CCDC85A: variants seen among roughly 807,000 people sequenced by gnomAD.
CCDC85A encodes coiled-coil domain-containing protein 85A.
Under a neutral mutation model 50.2 loss-of-function variants are expected in CCDC85A, and 38 were observed. The ratio of observed to expected loss-of-function variants is 0.76; its 90% CI spans 0.58 to 0.99. The LOEUF is 0.99. Among genes scored for constraint, CCDC85A ranks in the 50% least tolerant of loss-of-function variants. The pLI, the probability that CCDC85A is intolerant of heterozygous loss-of-function variation, is 0.00. For synonymous variants in CCDC85A, 366 were observed against 301.4 expected (o/e 1.21, Z -2.22); for missense variants, 820 against 742.0 (o/e 1.11, Z -1.22).
chr2:56,320,157 A>G (rs1458346716), intron 2 of CCDC85A, among the ~76,000 whole-genome samples: 1 of 152,212 alleles, frequency 6.6e-6, no homozygotes, highest in Non-Finnish European at 1.5e-5. Context: ...AGGGAAATTT[A>G]TAGCACTAAA....
chr2:56,350,292 C>G (rs924185164), intron 3 of CCDC85A, among the ~76,000 whole-genome samples: 1 of 151,862 alleles, frequency 6.6e-6, no homozygotes, highest in Admixed American at 6.6e-5. Context: ...CTCAGCCTCC[C>G]GGGTGCAGTG....
chr2:56,381,161 C>A (rs1404020946), intron 5 of CCDC85A, among the ~76,000 whole-genome samples: 2 of 151,960 alleles, frequency 1.3e-5, no homozygotes, highest in African/African-American at 4.8e-5. Context: ...GTTTTTCTTT[C>A]CTGCATATCT....
intron 3 of CCDC85A, among the ~76,000 whole-genome samples, chr2:56,355,763 G>T (rs551256870): frequency 6.6e-6 from 1 of 152,324 alleles, no homozygotes; most frequent in African/African-American, 2.4e-5. Flanking sequence ...CAGAGGAAGT[G>T]TCAATCTGAC....
intron 2 of CCDC85A, among the ~76,000 whole-genome samples, chr2:56,312,227 T>G (rs1473825889): frequency 6.6e-6 from 1 of 152,100 alleles, no homozygotes; most frequent in Admixed American, 6.6e-5. Context: ...TGAGGGCAGC[T>G]CTCAGTTTAT....
At chr2:56,335,050 G>A (rs1382827712) in intron 2 of CCDC85A, among the ~76,000 whole-genome samples, 1 of 152,058 alleles carries the variant, frequency 6.6e-6, no homozygotes, top group African/African-American at 2.4e-5. Flanking sequence ...TGTTAATAAG[G>A]CAGTATGAAT....
chr2:56,258,560 C>T (rs189312127), intron 2 of CCDC85A, among the ~76,000 whole-genome samples: 3 of 152,198 alleles, frequency 2.0e-5, no homozygotes, highest in East Asian at 1.9e-4. Flanking sequence ...GTTTGGCATC[C>T]CAGTTTAGAC....
chr2:56,311,685 T>C (rs949431856), intron 2 of CCDC85A, among the ~76,000 whole-genome samples: 4 of 152,112 alleles, frequency 2.6e-5, no homozygotes, highest in Admixed American at 6.6e-5. Flanking sequence ...TGCTAAGAGC[T>C]TTCCTATGAG....
At chr2:56,337,259 G>C (rs1674119655) in intron 2 of CCDC85A, among the ~76,000 whole-genome samples, 1 of 152,222 alleles carries the variant, frequency 6.6e-6, no homozygotes, top group Non-Finnish European at 1.5e-5. Context: ...AAATGGGCCT[G>C]AGATTCACCC....
intron 2 of CCDC85A, among the ~76,000 whole-genome samples, chr2:56,339,991 GT>G (rs148345074): frequency 0.041 from 6,250 of 152,244 alleles, 157 homozygotes; most frequent in Middle Eastern, 0.068. Flanking sequence ...AATATCTTCA[GT>G]TTTCTTTACC....
At chr2:56,291,648 G>C (rs943222718) in intron 2 of CCDC85A, among the ~76,000 whole-genome samples, 2 of 152,160 alleles carry the variant, frequency 1.3e-5, no homozygotes, top group African/African-American at 4.8e-5. Flanking sequence ...ATCAGAGCCT[G>C]ATGTGTTGGG....
intron 2 of CCDC85A, among the ~76,000 whole-genome samples, chr2:56,302,110 C>T (rs1331722101): frequency 6.6e-6 from 1 of 151,464 alleles, no homozygotes; most frequent in Non-Finnish European, 1.5e-5. Context: ...ACAAAAATTA[C>T]CCGGGCCTGG....
At position 56,193,339 on chromosome 2, in the gene CCDC85A, G is replaced by A. The variant is rs1345490312; in HGVS notation, c.1139G>A (p.Gly380Glu). ...PDHKHGGGSG[G>E]SGGSGGGSRE... ...CACAAACACGGAGGAGGCAGTGGAGGAAGTGGAGGCAGCGGCGGAGGCAGC... is the reference window on the plus strand; with the variant it reads ...CACAAACACGGAGGAGGCAGTGGAGAAAGTGGAGGCAGCGGCGGAGGCAGC... The change falls in exon 2 of 6, where the codon GGA (glycine) becomes GAA (glutamate). Residue 380 changes from glycine (G) to glutamate (E), a missense_variant. Gly to Glu is a moderately conservative substitution (Grantham distance 98). Coordinates refer to ENST00000407595, the MANE Select transcript of CCDC85A (RefSeq NM_001080433.2). 1 of 1,612,658 alleles carries A rather than the reference G, an allele frequency of 6.2e-7. No individual in the cohort carries two copies.
chr2:56,232,852 C>G (rs1346192155), intron 2 of CCDC85A, among the ~76,000 whole-genome samples: 1 of 152,158 alleles, frequency 6.6e-6, no homozygotes, highest in African/African-American at 2.4e-5. Flanking sequence ...AGTCTCCCAG[C>G]TGCCCCTCTT....
chr2:56,204,832 A>G (rs528241399), intron 2 of CCDC85A, among the ~76,000 whole-genome samples: 1 of 152,316 alleles, frequency 6.6e-6, no homozygotes, highest in East Asian at 1.9e-4. Context: ...GATTGCAGCA[A>G]TTCATCTAGC....
At chr2:56,337,521 C>T (rs1165122902) in intron 2 of CCDC85A, among the ~76,000 whole-genome samples, 4 of 152,110 alleles carry the variant, frequency 2.6e-5, no homozygotes, top group Non-Finnish European at 2.9e-5. Flanking sequence ...CATGTGATTC[C>T]TTTCTTTCTG....
At chr2:56,194,030 G>A (rs1676430986) in intron 2 of CCDC85A, among the ~76,000 whole-genome samples, 2 of 152,164 alleles carry the variant, frequency 1.3e-5, no homozygotes, top group East Asian at 3.9e-4. Context: ...GCCTGAATCT[G>A]TGACATTTCT....
chr2:56,352,189 A>G (rs1004763344), intron 3 of CCDC85A, among the ~76,000 whole-genome samples: 2 of 152,216 alleles, frequency 1.3e-5, no homozygotes, highest in African/African-American at 4.8e-5. Flanking sequence ...TGCCTTCTGT[A>G]TCCTTTACAT....
chr2:56,369,676 TTCA>T (rs1056941179), intron 3 of CCDC85A, among the ~76,000 whole-genome samples: 27 of 152,142 alleles, frequency 1.8e-4, no homozygotes, highest in Admixed American at 1.8e-3. Context: ...ACTTTTTCTG[TTCA>T]TCATTCAAGA....
At chr2:56,208,397 A>G (rs528967487) in intron 2 of CCDC85A, among the ~76,000 whole-genome samples, 17 of 152,284 alleles carry the variant, frequency 1.1e-4, no homozygotes, top group African/African-American at 3.8e-4. Flanking sequence ...ATACACATCA[A>G]CCGACATTGA....
Sources: allele counts gnomAD v4.1 joint callset (sites outside exome capture counted in the v4.1 genomes callset), GRCh38; gene constraint gnomAD v4.1.1; transcripts MANE v1.5; gene names NCBI Gene and HGNC (gene_info 2026-07-23, HGNC 2026-07-21).